RGS5: variants seen among roughly 807,000 people sequenced by gnomAD.
The protein encoded by RGS5 is regulator of G-protein signalling 5.
In RGS5, 20 loss-of-function variants were observed where a neutral mutation model predicts 18.9. The ratio of observed to expected loss-of-function variants is 1.06; its 90% confidence interval spans 0.74 to 1.54. The LOEUF is 1.54. RGS5 is among the 40% of genes most tolerant of loss of function. The pLI is 0.00. For synonymous variants in RGS5, 57 were observed against 76.2 expected, an observed-to-expected ratio of 0.75 and a Z score of 1.31; for missense variants, 201 against 211.8, an observed-to-expected ratio of 0.95 and a Z score of 0.32.
intron 1 of RGS5, chr1:163,210,720 T>C (rs1025604571): frequency 3.9e-5 from 6 of 152,244 alleles, no homozygotes; most frequent in Non-Finnish European, 5.9e-5. Context: ...AGATTTGCTA[T>C]TGAAATTACC....
rs1657153938 is a variant in RGS5, at chr1:163,146,973, A to T, written c.*369T>A. The T allele has an allele frequency of 1.2e-5, 2 of 160,234 alleles. No individual in the cohort carries two copies. The highest frequency in any genetic ancestry group is 4.8e-5 in the African/African-American group (2 of 41,764). The allele number at this position is 160,234 out of a possible 1,614,324, so 9.9% of individuals were successfully genotyped here. A position where few individuals can be genotyped will look rare whatever the true frequency, so the allele number is the denominator to read the frequency against. ...TGAAATAGGTCTGTCCACACTTAAT[A>T]TTCTTTTTTAGACCAATTTAGCTGG... On this transcript the variant is annotated 3_prime_UTR_variant, in exon 5 of 5. Transcript: ENST00000313961.
At chr1:163,149,514 G>A (rs12058869) in intron 4 of RGS5, among the ~76,000 whole-genome samples, 31,600 of 151,856 alleles carry the variant, frequency 0.21, 5,452 homozygotes, top group African/African-American at 0.48. Flanking sequence ...TATTTCTCTT[G>A]GTATTTTTAT....
chr1:163,315,210 G>GA (rs5778323), intron 1 of RGS5, among the ~76,000 whole-genome samples: 10,256 of 152,026 alleles, frequency 0.067, 368 homozygotes, highest in South Asian at 0.095. Context: ...TGAAATAACT[G>GA]AAAAATAGCA....
Position 163,158,911 on chromosome 1 carries a change from T to A in RGS5, c.217+3004A>T, listed in dbSNP as rs1013400060. On this transcript the variant is annotated intron_variant, in intron 3 of 4. Coordinates refer to ENST00000313961, the MANE Select transcript of RGS5 (RefSeq NM_003617.4). The stretch of plus-strand genomic sequence containing the variant: ...ACTGGGGCTTATTGCATCCCTCAAC[T>A]ACGATCATAAAAGACAGCCGTTCCC... Among the ~76,000 whole-genome samples, 3 of 152,122 alleles carry A rather than the reference T, an allele frequency of 2.0e-5. No individual in the cohort carries two copies. The South Asian group carries it at 6.2e-4, about 32-fold the overall frequency.
chr1:163,172,404 C>T (rs374999772), intron 1 of RGS5, among the ~76,000 whole-genome samples: 1 of 152,134 alleles, frequency 6.6e-6, no homozygotes, highest in African/African-American at 2.4e-5. Context: ...CCACAAAATC[C>T]TTTTAAAACC....
intron 2 of RGS5, among the ~76,000 whole-genome samples, chr1:163,282,044 C>T (rs200206730): frequency 5.0e-5 from 7 of 138,698 alleles, no homozygotes; most frequent in African/African-American, 1.5e-4. Flanking sequence ...AGTGCACGCG[C>T]GCGCACACAC....
At chr1:163,305,163 G>A (rs1649662296) in intron 2 of RGS5, 2 of 152,148 alleles carry the variant, frequency 1.3e-5, no homozygotes, top group African/African-American at 2.4e-5. Flanking sequence ...CTGAAGTTAG[G>A]GGCAGGAAGG....
intron 2 of RGS5, among the ~76,000 whole-genome samples, chr1:163,224,539 C>T (rs1201674205): frequency 6.6e-6 from 1 of 152,144 alleles, no homozygotes; most frequent in African/African-American, 2.4e-5. Flanking sequence ...CTTCGACATG[C>T]TGATTTCATT....
rs541521654 is a variant in RGS5 at position 163,246,212 on chromosome 1, C to T, written c.-281+60021G>A. 3.7e-4 allele frequency among the ~76,000 whole-genome samples: 53 copies of T among 143,936 alleles called. 1 individual carries two copies. The highest frequency in any genetic ancestry group is 7.4e-4 in the Non-Finnish European group (48 of 65,076). 94.4% of individuals were successfully genotyped at this position (143,936 alleles called of 152,430 possible). A position where few individuals can be genotyped will look rare whatever the true frequency, so the allele number is the denominator to read the frequency against. ...CTCCAGCCTGGGCGACAGAGCGAGA[C>T]TCCATCTTAAAAAAAAAAAAATTAA... is the stretch of plus-strand genomic sequence containing the variant. On this transcript the variant is annotated intron_variant, in intron 2 of 5. Coordinates refer to the RGS5 transcript ENST00000618415.
intron 1 of RGS5, among the ~76,000 whole-genome samples, chr1:163,316,009 T>C (rs184179205): frequency 2.0e-5 from 3 of 152,208 alleles, no homozygotes; most frequent in Admixed American, 1.3e-4. Flanking sequence ...TTCAAAAGTG[T>C]TACTAGAATT....
intron 2 of RGS5, among the ~76,000 whole-genome samples, chr1:163,297,106 T>A (rs1649440312): frequency 6.6e-6 from 1 of 152,088 alleles, no homozygotes; most frequent in Non-Finnish European, 1.5e-5. Flanking sequence ...GTTAAAATAA[T>A]TTACCAAGAC....
intron 2 of RGS5, among the ~76,000 whole-genome samples, chr1:163,273,341 T>A (rs1174260559): frequency 6.6e-6 from 1 of 152,180 alleles, no homozygotes; most frequent in Non-Finnish European, 1.5e-5. Flanking sequence ...TATTGAAATC[T>A]CCAGCTATTA....
At chr1:163,255,575 A>G (rs1241037750) in intron 2 of RGS5, among the ~76,000 whole-genome samples, 1 of 151,194 alleles carries the variant, frequency 6.6e-6, no homozygotes, top group Non-Finnish European at 1.5e-5. Context: ...TATTCCAATC[A>G]ATAGAAAAAG....
At chr1:163,316,152 T>C (rs1208370235) in intron 1 of RGS5, among the ~76,000 whole-genome samples, 1 of 152,216 alleles carries the variant, frequency 6.6e-6, no homozygotes, top group Non-Finnish European at 1.5e-5. Flanking sequence ...CATTTATAAC[T>C]ACAGTTAAGA....
At chr1:163,213,984 T>C (rs1373106192) in intron 1 of RGS5, among the ~76,000 whole-genome samples, 1 of 152,126 alleles carries the variant, frequency 6.6e-6, no homozygotes, top group Non-Finnish European at 1.5e-5. Context: ...AGTAACCCCA[T>C]TAAAATAATC....
chr1:163,152,076 G>A (rs1657396111), intron 4 of RGS5, among the ~76,000 whole-genome samples: 1 of 152,154 alleles, frequency 6.6e-6, no homozygotes, highest in Admixed American at 6.6e-5. Context: ...CAAGAGGTCA[G>A]TGGAATTTTC....
chr1:163,223,508 C>T (rs1647272496), intron 2 of RGS5, among the ~76,000 whole-genome samples: 1 of 151,558 alleles, frequency 6.6e-6, no homozygotes, highest in African/African-American at 2.4e-5. Flanking sequence ...GTGTGTAGGG[C>T]ACAAATGATA....
intron 2 of RGS5, among the ~76,000 whole-genome samples, chr1:163,241,131 A>T (rs1039575498): frequency 2.0e-5 from 3 of 152,214 alleles, no homozygotes; most frequent in Admixed American, 6.5e-5. Context: ...CAAAGGCTAG[A>T]TGTATTTACC....
At chr1:163,200,818 A>G (rs1242643707) in intron 1 of RGS5, among the ~76,000 whole-genome samples, 1 of 152,166 alleles carries the variant, frequency 6.6e-6, no homozygotes, top group African/African-American at 2.4e-5. Flanking sequence ...AATATTCTAC[A>G]TGAACATTAG....
Sources: gnomAD v4.1 joint callset for allele counts (sites outside exome capture counted in the v4.1 genomes callset) on GRCh38, gnomAD v4.1.1 for gene constraint, MANE v1.5 for transcripts, NCBI Gene and HGNC (gene_info 2026-07-23, HGNC 2026-07-21) for gene names.